The following RTCB variants were observed in gnomAD, a reference collection of about 807,000 sequenced individuals.
The protein encoded by RTCB is RNA 2',3'-cyclic phosphate and 5'-OH ligase, also known as RNA-splicing ligase RTCB.
RTCB carries 32 observed loss-of-function variants against 58.2 expected under a neutral mutation model. That is an observed-to-expected ratio of 0.55 (90% CI 0.41 to 0.74). RTCB has a LOEUF of 0.74. RTCB is among the 30% of genes least tolerant of loss of function. RTCB has a pLI of 0.00. For synonymous variants in RTCB, 247 were observed against 218.6 expected (o/e 1.13, Z -1.15); for missense variants, 523 against 639.0 (o/e 0.82, Z 1.96).
At chr22:32,394,773 C>T (rs1241121133) in intron 9 of RTCB, among the ~76,000 whole-genome samples, 1 of 152,112 alleles carries the variant, frequency 6.6e-6, no homozygotes, top group Admixed American at 6.5e-5. Context: ...TCCACTAATT[C>T]AAAGGCCTCA....
chr22:32,397,668 C>T (rs1933268792), intron 7 of RTCB, among the ~76,000 whole-genome samples: 1 of 152,184 alleles, frequency 6.6e-6, no homozygotes, highest in Non-Finnish European at 1.5e-5. Flanking sequence ...GTAAACATAA[C>T]AATAACTGCA....
Position 32,395,032 on chromosome 22 carries a change from A to G in RTCB, c.1173T>C (p.Asp391=), listed in dbSNP as rs775043071. The G allele has an allele frequency of 1.9e-6, 3 of 1,613,022 alleles. No homozygotes were observed. The Admixed American group carries it at 5.0e-5, about 27-fold the overall frequency. ...FPPHHPLIAV[D]YQLTGQPVLI... is the part of the protein sequence containing the mutation. ...CAAACGTAGAGCTACGTACTTGGTAATCAACAGCAATGAGGGGATGGTGAG... is the reference window on the plus strand; with the variant it reads ...CAAACGTAGAGCTACGTACTTGGTAGTCAACAGCAATGAGGGGATGGTGAG... Residue 391 remains aspartate, a synonymous_variant, in exon 9 of 12, where the codon GAT becomes GAC. Coordinates refer to ENST00000216038, the MANE Select transcript of RTCB (RefSeq NM_014306.5).
At chr22:32,405,617 T>G (rs1933406634) in intron 4 of RTCB, among the ~76,000 whole-genome samples, 1 of 152,174 alleles carries the variant, frequency 6.6e-6, no homozygotes, top group South Asian at 2.1e-4. Context: ...CTCACATATC[T>G]GGAACTTTTT....
Position 32,408,850 on chromosome 22 carries a change from T to G in RTCB, c.94-17A>C. The G allele has an allele frequency of 1.3e-6, 2 of 1,578,250 alleles. No homozygotes were observed. The highest frequency in any genetic ancestry group is 1.3e-5 in the African/African-American group (1 of 74,276). ...ACCTTCAACCTAGTACCAAGGAAAG[T>G]GAAAAGCAATGTCTGAGTACATGCG... On this transcript the variant is annotated splice_polypyrimidine_tract_variant and intron_variant, in intron 1 of 11. Coordinates refer to ENST00000216038, the MANE Select transcript of RTCB (RefSeq NM_014306.5).
At chr22:32,411,968 G>T in intron 1 of RTCB, 96 bp downstream of exon 1, 1 of 864,746 alleles carries the variant, frequency 1.2e-6, no homozygotes, top group Non-Finnish European at 1.8e-6. Flanking sequence ...GGCCGGGGCG[G>T]ACCCAGTGGT....
intron 10 of RTCB, among the ~76,000 whole-genome samples, chr22:32,393,278 T>C (rs1329875798): frequency 1.3e-5 from 2 of 152,204 alleles, no homozygotes; most frequent in Non-Finnish European, 2.9e-5. Flanking sequence ...ATTTACACAG[T>C]ACTTAAGGTT....
Position 32,401,733 on chromosome 22 carries a change from A to G in RTCB, c.497+14T>C. ...ATCCCTCCCATACCATGTACTGGAA[A>G]CGTGTGCTCTTACTTGGCATTCATT... On this transcript the variant is annotated intron_variant, in intron 5 of 11. Transcript: ENST00000216038. 6.2e-7 allele frequency: 1 copy of G among 1,613,326 alleles called. No individual in the cohort carries two copies. The highest frequency in any genetic ancestry group is 8.5e-7 in the Non-Finnish European group (1 of 1,179,522).
rs758256182 is a variant in RTCB at position 32,401,631 on chromosome 22, T to A, written c.497+116A>T. The A allele has an allele frequency of 2.6e-4, 303 of 1,180,608 alleles. 1 individual carries two copies. The highest frequency in any genetic ancestry group is 3.4e-4 in the Non-Finnish European group (286 of 850,360). 73.1% of individuals were successfully genotyped at this position (1,180,608 alleles called of 1,614,324 possible). On this transcript the variant is annotated intron_variant, in intron 5 of 11. Coordinates refer to ENST00000216038, the MANE Select transcript of RTCB (RefSeq NM_014306.5). ...GCTTAAAAAAACAGTTCTTACTACT[T>A]CCTGAAAAGTAACTGAACAATCCTC...
At chr22:32,404,930 G>A (rs947547535) in intron 4 of RTCB, among the ~76,000 whole-genome samples, 6 of 150,656 alleles carry the variant, frequency 4.0e-5, no homozygotes, top group Admixed American at 6.6e-5. Context: ...CAAGCCATCC[G>A]CCCGCCTTGG....
At chr22:32,400,732 A>T (rs1212771851) in intron 5 of RTCB, among the ~76,000 whole-genome samples, 1 of 152,202 alleles carries the variant, frequency 6.6e-6, no homozygotes, top group Non-Finnish European at 1.5e-5. Flanking sequence ...ATAACATTAC[A>T]AGTAACAGCT....
chr22:32,394,257 G>A (rs1418340155), intron 9 of RTCB, among the ~76,000 whole-genome samples: 1 of 151,880 alleles, frequency 6.6e-6, no homozygotes, highest in Non-Finnish European at 1.5e-5. Context: ...GACCACAGGC[G>A]CCTGCTGCCA....
intron 6 of RTCB, among the ~76,000 whole-genome samples, chr22:32,399,340 T>C (rs900098733): frequency 1.3e-5 from 2 of 151,766 alleles, no homozygotes; most frequent in African/African-American, 4.8e-5. Context: ...GACTAAGTCT[T>C]CTTATGTTGC....
intron 6 of RTCB, 127 bp downstream of exon 6, chr22:32,399,476 T>C: frequency 3.3e-6 from 3 of 903,868 alleles, no homozygotes; most frequent in Non-Finnish European, 5.0e-6. Flanking sequence ...AACAAATTTG[T>C]ATTTTTTGAT....
chr22:32,395,469 G>A (rs1933229921), intron 8 of RTCB, among the ~76,000 whole-genome samples: 2 of 152,138 alleles, frequency 1.3e-5, no homozygotes, highest in African/African-American at 4.8e-5. Context: ...TTTCAAAATT[G>A]CTTCTTCTCA....
intron 2 of RTCB, 146 bp from the exon 3 acceptor site, chr22:32,408,388 G>T: frequency 1.5e-6 from 1 of 675,240 alleles, no homozygotes; most frequent in Non-Finnish European, 2.6e-6. Flanking sequence ...TGAGATGCAA[G>T]ATGGAAGGGA....
At chr22:32,394,114 C>CATT in intron 9 of RTCB, 112 bp from the exon 10 acceptor site, 1 of 514,644 alleles carries the variant, frequency 1.9e-6, no homozygotes, top group Non-Finnish European at 3.4e-6. Flanking sequence ...ACCCAGACTT[C>CATT]TTTTTTTTTT....
intron 4 of RTCB, among the ~76,000 whole-genome samples, chr22:32,405,018 A>G (rs1241525182): frequency 2.6e-5 from 4 of 152,088 alleles, no homozygotes; most frequent in African/African-American, 9.7e-5. Context: ...ATATCCTCTT[A>G]TATGAGTGGG....
Position 32,395,164 on chromosome 22 carries a change from C to G in RTCB, c.1041G>C (p.Val347=), listed in dbSNP as rs41310258. Reference sequence around the variant, plus strand: ...CAATGTTGTGAGAAACATCATAGATCACATGTAGGTCCAAGTCATCAGGGG... The same window carrying G: ...CAATGTTGTGAGAAACATCATAGATGACATGTAGGTCCAAGTCATCAGGGG... The part of the protein sequence containing the change: ...NTTPDDLDLH[V]IYDVSHNIAK... Residue 347 remains valine, a synonymous_variant, in exon 9 of 12, where the codon GTG becomes GTC. Transcript: ENST00000216038. The G allele has an allele frequency of 8.5e-3, 13,708 of 1,614,178 alleles. 76 individuals are homozygous for G. Among genetic ancestry groups the G allele is most frequent in the Non-Finnish European group, 0.011 (12,444 of 1,180,008 alleles).
Position 32,399,534 on chromosome 22 carries a change from AT to A in RTCB, c.654+68del, listed in dbSNP as rs554358765. On this transcript the variant is annotated intron_variant, in intron 6 of 11. Coordinates refer to ENST00000216038, the MANE Select transcript of RTCB (RefSeq NM_014306.5). ...TATGTTTGCTAAATGTAAGATATAG[AT>A]TTTTTTCCCCCAATAAAAACAAAAT... 2.8e-3 allele frequency: 4,037 copies of A among 1,425,520 alleles called. 38 individuals are homozygous for A. Among genetic ancestry groups the A allele is most frequent in the South Asian group, 0.02 (1,469 of 74,660 alleles). The allele number at this position is 1,425,520 out of a possible 1,614,324, so 88.3% of individuals were successfully genotyped here.
Sources: allele counts gnomAD v4.1 joint callset (sites outside exome capture counted in the v4.1 genomes callset), GRCh38; gene constraint gnomAD v4.1.1; transcripts MANE v1.5; gene names NCBI Gene and HGNC (gene_info 2026-07-23, HGNC 2026-07-21).